TAFA1: variants seen among roughly 807,000 people sequenced by gnomAD.
TAFA1 encodes chemokine-like protein TAFA-1.
Under a neutral mutation model 18.5 loss-of-function variants are expected in TAFA1, and 4 were observed. That is an observed-to-expected ratio of 0.22 (90% CI 0.11 to 0.49). The LOEUF is 0.49. Ranked by LOEUF, TAFA1 falls within the 20% of genes least tolerant of loss-of-function variation. The pLI, the probability that TAFA1 is intolerant of heterozygous loss-of-function variation, is 0.98. For missense variants in TAFA1, 147 were observed against 169.0 expected, an observed-to-expected ratio of 0.87 and a Z score of 0.72; for synonymous variants, 56 against 55.2, an observed-to-expected ratio of 1.01 and a Z score of -0.06.
At chr3:68,200,891 GCTTA>G (rs1210760469) in intron 2 of TAFA1, among the ~76,000 whole-genome samples, 1 of 151,302 alleles carries the variant, frequency 6.6e-6, no homozygotes, top group African/African-American at 2.4e-5. Context: ...CTTTTCTGTT[GCTTA>G]CTTGGGTTTA....
intron 2 of TAFA1, among the ~76,000 whole-genome samples, chr3:68,184,622 A>G (rs1236739386): frequency 6.6e-6 from 1 of 152,128 alleles, no homozygotes; most frequent in Non-Finnish European, 1.5e-5. Flanking sequence ...GCTCCAATAT[A>G]TACTGGGAAC....
rs1424470232 is a variant in TAFA1, at chr3:68,152,320, T to C, written c.118+145576T>C. ...GTGCAGAGCTCAGGAATCTGCATTT[T>C]TTTTTGCAGTTTTCCCAAACCTCCC... On this transcript the variant is annotated intron_variant, in intron 2 of 4. Transcript: ENST00000478136. Among the ~76,000 whole-genome samples the C allele has an allele frequency of 3.3e-5, 5 of 152,140 alleles. No homozygotes were observed. In the East Asian group the frequency reaches 9.6e-4, roughly 29 times the overall value.
intron 4 of TAFA1, among the ~76,000 whole-genome samples, chr3:68,540,241 T>C (rs777839237): frequency 2.6e-5 from 4 of 152,196 alleles, no homozygotes; most frequent in Non-Finnish European, 5.9e-5. Flanking sequence ...AGTAAATGGC[T>C]ATACATTTCC....
intron 2 of TAFA1, among the ~76,000 whole-genome samples, chr3:68,222,007 T>A (rs879382383): frequency 4.6e-5 from 7 of 152,204 alleles, no homozygotes; most frequent in Non-Finnish European, 7.3e-5. Context: ...TCAAGATGAA[T>A]AACTGTTGGA....
intron 2 of TAFA1, among the ~76,000 whole-genome samples, chr3:68,311,879 C>T (rs914530691): frequency 1.3e-5 from 2 of 152,216 alleles, no homozygotes; most frequent in African/African-American, 4.8e-5. Flanking sequence ...CATTTCCCTT[C>T]CACACTACCC....
intron 2 of TAFA1, among the ~76,000 whole-genome samples, chr3:68,191,307 A>G (rs1253750841): frequency 6.6e-6 from 1 of 151,810 alleles, no homozygotes; most frequent in Non-Finnish European, 1.5e-5. Flanking sequence ...AGTAGTACAT[A>G]TTAATTTAGA....
chr3:68,315,934 G>A (rs553624504), intron 2 of TAFA1, among the ~76,000 whole-genome samples: 4 of 152,312 alleles, frequency 2.6e-5, no homozygotes, highest in African/African-American at 4.8e-5. Context: ...TTCACCTGAG[G>A]TCTGTGAAGA....
chr3:68,237,403 G>A (rs1328549743), intron 2 of TAFA1, among the ~76,000 whole-genome samples: 1 of 152,190 alleles, frequency 6.6e-6, no homozygotes, highest in East Asian at 1.9e-4. Flanking sequence ...TTTGGAGGGG[G>A]TAGGGAGGGC....
intron 2 of TAFA1, among the ~76,000 whole-genome samples, chr3:68,099,020 G>A (rs1401338029): frequency 1.3e-5 from 2 of 152,102 alleles, no homozygotes; most frequent in Non-Finnish European, 2.9e-5. Context: ...ATGAATTAAA[G>A]ACTTAAATTT....
chr3:68,396,114 T>G (rs1399210136), intron 2 of TAFA1, among the ~76,000 whole-genome samples: 2 of 152,158 alleles, frequency 1.3e-5, no homozygotes, highest in East Asian at 3.8e-4. Context: ...TTGTGAGGAC[T>G]TTTGATTTTG....
At chr3:68,388,759 G>A (rs2070161521) in intron 2 of TAFA1, among the ~76,000 whole-genome samples, 1 of 151,440 alleles carries the variant, frequency 6.6e-6, no homozygotes, top group Non-Finnish European at 1.5e-5. Context: ...ATAATTTATG[G>A]CCATCTGATT....
chr3:68,405,520 G>A (rs537470786), intron 2 of TAFA1, among the ~76,000 whole-genome samples: 15 of 149,452 alleles, frequency 1.0e-4, no homozygotes, highest in African/African-American at 2.5e-4. Flanking sequence ...AAAGGGAGAC[G>A]CCCATCTCTA....
At chr3:68,071,582 C>T (rs950820000) in intron 2 of TAFA1, among the ~76,000 whole-genome samples, 2 of 152,184 alleles carry the variant, frequency 1.3e-5, no homozygotes, top group African/African-American at 2.4e-5. Context: ...CTCCAGCTCT[C>T]GTGCCAGCTC....
At chr3:68,116,660 T>G (rs2065328378) in intron 2 of TAFA1, among the ~76,000 whole-genome samples, 1 of 152,204 alleles carries the variant, frequency 6.6e-6, no homozygotes, top group Non-Finnish European at 1.5e-5. Flanking sequence ...CGCATGATAC[T>G]ATTTTGTTTA....
At chr3:68,168,084 T>C (rs2106952574) in intron 2 of TAFA1, among the ~76,000 whole-genome samples, 1 of 150,750 alleles carries the variant, frequency 6.6e-6, no homozygotes, top group African/African-American at 2.4e-5. Flanking sequence ...CCACTGATAA[T>C]TTTATGAGTT....
chr3:68,496,714 G>T (rs1389331377), intron 3 of TAFA1, among the ~76,000 whole-genome samples: 1 of 152,130 alleles, frequency 6.6e-6, no homozygotes, highest in African/African-American at 2.4e-5. Flanking sequence ...GTCAAGACTG[G>T]GTTGATGTGA....
At chr3:68,286,540 C>T (rs537375774) in intron 2 of TAFA1, among the ~76,000 whole-genome samples, 30 of 152,044 alleles carry the variant, frequency 2.0e-4, no homozygotes, top group East Asian at 7.7e-4. Flanking sequence ...CTAGAGACCC[C>T]GGAGGATGCA....
intron 2 of TAFA1, among the ~76,000 whole-genome samples, chr3:68,203,938 A>G (rs1387387934): frequency 2.8e-5 from 4 of 140,992 alleles, no homozygotes; most frequent in Non-Finnish European, 4.6e-5. Flanking sequence ...TAAAGTCACA[A>G]AAATGTCAAA....
intron 2 of TAFA1, among the ~76,000 whole-genome samples, chr3:68,025,024 A>T (rs1029719458): frequency 6.6e-6 from 1 of 151,714 alleles, no homozygotes; most frequent in African/African-American, 2.4e-5. Flanking sequence ...ATTGGGGATG[A>T]CTCCTTTCTC....
Sources: allele counts gnomAD v4.1 joint callset (sites outside exome capture counted in the v4.1 genomes callset), GRCh38; gene constraint gnomAD v4.1.1; transcripts MANE v1.5; gene names NCBI Gene and HGNC (gene_info 2026-07-23, HGNC 2026-07-21).